Variants in EYS observed in about 807,000 individuals in gnomAD.
EYS encodes EGF-like photoreceptor maintenance factor, also known as protein eyes shut homolog.
Under a neutral mutation model 282.1 loss-of-function variants are expected in EYS, and 250 were observed. The ratio of observed to expected loss-of-function variants is 0.89; its 90% CI spans 0.80 to 0.98. The LOEUF is 0.98. Ranked by LOEUF, EYS falls within the 50% of genes least tolerant of loss-of-function variation. The pLI is 0.00. For missense variants in EYS, 4,016 were observed against 3,709.0 expected (o/e 1.08, Z -2.15); for synonymous variants, 1,355 against 1,282.9 (o/e 1.06, Z -1.20).
rs146031984 is a variant in EYS at position 65,621,047 on chromosome 6, G to A, written c.-333+18731C>T. The stretch of plus-strand genomic sequence containing the variant: ...ATATTCTGTTGATTTGAGGTGGAGA[G>A]TTTTGTAGATATCTATTAGGTCTGC... On this transcript the variant is annotated intron_variant, in intron 2 of 42. Transcript: ENST00000503581. Among the ~76,000 whole-genome samples, 549 of 152,280 alleles carry A rather than the reference G, an allele frequency of 3.6e-3. 24 individuals are homozygous for A. The East Asian group carries it at 0.085, about 24-fold the overall frequency.
intron 35 of EYS, among the ~76,000 whole-genome samples, chr6:63,932,318 T>A (rs376626498): frequency 7.9e-5 from 12 of 152,240 alleles, no homozygotes; most frequent in African/African-American, 2.9e-4. Context: ...CTCTTTAATA[T>A]ACTGATTTCC....
At chr6:64,059,970 A>T (rs1771109342) in intron 33 of EYS, among the ~76,000 whole-genome samples, 1 of 152,158 alleles carries the variant, frequency 6.6e-6, no homozygotes, top group Non-Finnish European at 1.5e-5. Flanking sequence ...AAAAAGATAC[A>T]CAAATTAATA....
chr6:64,547,996 G>A (rs1424871574), intron 26 of EYS, among the ~76,000 whole-genome samples: 1 of 152,216 alleles, frequency 6.6e-6, no homozygotes, highest in African/African-American at 2.4e-5. Flanking sequence ...CCAAGCCCAT[G>A]CCCACCCAGA....
chr6:65,473,100 A>G (rs1175472882), intron 5 of EYS, among the ~76,000 whole-genome samples: 1 of 152,032 alleles, frequency 6.6e-6, no homozygotes, highest in Non-Finnish European at 1.5e-5. Context: ...TGAATATATT[A>G]CATCAGGCTA....
intron 28 of EYS, among the ~76,000 whole-genome samples, chr6:64,428,063 C>A (rs1403342716): frequency 2.0e-5 from 3 of 152,042 alleles, no homozygotes; most frequent in Non-Finnish European, 2.9e-5. Flanking sequence ...ATGTATCTAG[C>A]ATTTCAAAAT....
chr6:64,298,672 C>T (rs1421158848), intron 30 of EYS, among the ~76,000 whole-genome samples: 1 of 151,904 alleles, frequency 6.6e-6, no homozygotes, highest in Admixed American at 6.5e-5. Context: ...AAGTAAATAG[C>T]TTCTTAGCAA....
At chr6:65,300,742 T>A (rs995535695) in intron 11 of EYS, 1 of 152,230 alleles carries the variant, frequency 6.6e-6, no homozygotes, top group African/African-American at 2.4e-5. Context: ...TCTCTAATTC[T>A]CTCAGAGTCT....
intron 26 of EYS, among the ~76,000 whole-genome samples, chr6:64,543,077 G>A (rs907506240): frequency 4.6e-5 from 7 of 152,078 alleles, no homozygotes; most frequent in African/African-American, 1.2e-4. Context: ...GGCTTTCACC[G>A]GTCCTTGTCC....
At chr6:63,861,211 A>T (rs538147298) in intron 36 of EYS, among the ~76,000 whole-genome samples, 1 of 149,320 alleles carries the variant, frequency 6.7e-6, no homozygotes, top group East Asian at 2.0e-4. Flanking sequence ...ATTCTTTTTC[A>T]TGGCACCACC....
intron 19 of EYS, among the ~76,000 whole-genome samples, chr6:64,869,566 A>C (rs1766527655): frequency 6.6e-6 from 1 of 151,630 alleles, no homozygotes; most frequent in Non-Finnish European, 1.5e-5. Flanking sequence ...TTGAGACCTG[A>C]ATAGAAGGAA....
At position 64,591,921 on chromosome 6, in the gene EYS, T is replaced by C; in HGVS notation, c.3946A>G (p.Ser1316Gly). The C allele has an allele frequency of 6.5e-7, 1 of 1,544,712 alleles. No homozygotes were observed. The highest frequency in any genetic ancestry group is 8.8e-7 in the Non-Finnish European group (1 of 1,142,520). The stretch of plus-strand genomic sequence containing the variant: ...AGTAAGTAGCTTTCCAAGGGTGTGC[T>C]AATTCTTAATGTTGCCAAACCAGTG... ...PTTGLATLRISTPLESYLLQE... is the reference protein window; with the variant it reads ...PTTGLATLRIGTPLESYLLQE... Residue 1316 changes from serine to glycine, a missense_variant, in exon 26 of 43, where the codon AGC becomes GGC. Coordinates refer to ENST00000503581, the MANE Select transcript of EYS (RefSeq NM_001142800.2).
chr6:65,160,977 C>G (rs9445479), intron 12 of EYS, among the ~76,000 whole-genome samples: 11,484 of 150,458 alleles, frequency 0.076, 933 homozygotes, highest in African/African-American at 0.2. Context: ...CTCTTCTCAT[C>G]TACACTCTTT....
At chr6:64,550,734 CCTT>C (rs1347095845) in intron 26 of EYS, among the ~76,000 whole-genome samples, 1 of 152,082 alleles carries the variant, frequency 6.6e-6, no homozygotes, top group East Asian at 1.9e-4. Flanking sequence ...CCCAAAATCT[CCTT>C]AAGCTGATAG....
At chr6:64,452,519 A>G (rs1469011786) in intron 26 of EYS, among the ~76,000 whole-genome samples, 1 of 152,206 alleles carries the variant, frequency 6.6e-6, no homozygotes, top group Non-Finnish European at 1.5e-5. Context: ...TTTCAAGTTC[A>G]TATGGAACCA....
At chr6:64,601,979 A>G (rs1766774885) in intron 24 of EYS, among the ~76,000 whole-genome samples, 1 of 151,938 alleles carries the variant, frequency 6.6e-6, no homozygotes, top group African/African-American at 2.4e-5. Context: ...CTTCCTTTGG[A>G]TTATTTCTTT....
chr6:64,024,018 C>G (rs1292939037), intron 33 of EYS, among the ~76,000 whole-genome samples: 3 of 152,160 alleles, frequency 2.0e-5, no homozygotes, highest in Non-Finnish European at 4.4e-5. Flanking sequence ...GAGCCTCCCC[C>G]TCTCTCTGTG....
At chr6:64,391,862 T>G (rs1471363450) in intron 28 of EYS, among the ~76,000 whole-genome samples, 1 of 152,194 alleles carries the variant, frequency 6.6e-6, no homozygotes, top group African/African-American at 2.4e-5. Context: ...CCCTTCAGTG[T>G]GCTGTATTCA....
intron 5 of EYS, among the ~76,000 whole-genome samples, chr6:65,485,724 G>C (rs921237717): frequency 1.4e-4 from 21 of 152,104 alleles, no homozygotes; most frequent in Admixed American, 1.2e-3. Flanking sequence ...CAACTCACTG[G>C]AGCTTTGGAG....
At chr6:64,039,146 C>G (rs1029028177) in intron 33 of EYS, among the ~76,000 whole-genome samples, 6 of 152,148 alleles carry the variant, frequency 3.9e-5, no homozygotes, top group South Asian at 2.1e-4. Context: ...ACCTAATTTT[C>G]AAATACCTGA....
Sources: allele counts gnomAD v4.1 joint callset (sites outside exome capture counted in the v4.1 genomes callset), GRCh38; gene constraint gnomAD v4.1.1; transcripts MANE v1.5; gene names NCBI Gene and HGNC (gene_info 2026-07-23, HGNC 2026-07-21).